PLCB4: variants seen among roughly 807,000 people sequenced by gnomAD.
PLCB4 encodes the protein 1-phosphatidylinositol 4,5-bisphosphate phosphodiesterase beta-4.
Under a neutral mutation model 178.8 loss-of-function variants are expected in PLCB4, and 77 were observed. The ratio of observed to expected loss-of-function variants is 0.43; its 90% CI spans 0.36 to 0.52. The LOEUF is 0.52. PLCB4 is among the 20% of genes least tolerant of loss of function. PLCB4 has a pLI of 0.00. For missense variants in PLCB4, 1,024 were observed against 1,453.4 expected, an observed-to-expected ratio of 0.70 and a Z score of 4.80; for synonymous variants, 496 against 490.8, an observed-to-expected ratio of 1.01 and a Z score of -0.14.
At chr20:9,372,767 A>G (rs2036361088) in intron 11 of PLCB4, among the ~76,000 whole-genome samples, 1 of 151,680 alleles carries the variant, frequency 6.6e-6, no homozygotes, top group Non-Finnish European at 1.5e-5. Context: ...GATGACTTAC[A>G]TGTTGTTTTT....
chr20:9,125,307 TAAG>T (rs1351213368), intron 2 of PLCB4, among the ~76,000 whole-genome samples: 7 of 152,200 alleles, frequency 4.6e-5, no homozygotes, highest in Non-Finnish European at 7.3e-5. Context: ...TTTAATGAAA[TAAG>T]AAGCAGTTTA....
At chr20:9,256,824 A>G (rs1601467274) in intron 3 of PLCB4, among the ~76,000 whole-genome samples, 1 of 152,244 alleles carries the variant, frequency 6.6e-6, no homozygotes, top group East Asian at 1.9e-4. Flanking sequence ...TTCTTCAGAA[A>G]TACATTTTCC....
At chr20:9,247,902 AT>A (rs2147462079) in intron 3 of PLCB4, among the ~76,000 whole-genome samples, 1 of 152,252 alleles carries the variant, frequency 6.6e-6, no homozygotes, top group Non-Finnish European at 1.5e-5. Flanking sequence ...ATACAAAAAT[AT>A]TTTTTATTTC....
chr20:9,315,366 A>T (rs960431127), intron 4 of PLCB4, among the ~76,000 whole-genome samples: 1 of 152,222 alleles, frequency 6.6e-6, no homozygotes, highest in Non-Finnish European at 1.5e-5. Flanking sequence ...CTGCTCTAGA[A>T]GGCTGAGATA....
intron 2 of PLCB4, among the ~76,000 whole-genome samples, chr20:9,126,601 G>T (rs1301239792): frequency 2.0e-5 from 3 of 151,984 alleles, no homozygotes; most frequent in Non-Finnish European, 2.9e-5. Context: ...TGAGTGAGAG[G>T]GCTAATGCAC....
At chr20:9,198,100 C>G (rs1216477490) in intron 2 of PLCB4, among the ~76,000 whole-genome samples, 1 of 152,182 alleles carries the variant, frequency 6.6e-6, no homozygotes. Flanking sequence ...TAACTGAATT[C>G]CTGTGGTAAA....
In PLCB4 at chr20:9,479,113, T is replaced by A; in HGVS notation, c.*104T>A. ...TTGTTTCCTTTATGTGTAAACAAGA[T>A]GATATCTGAAACCAGAGAGACTTGG... On this transcript the variant is annotated 3_prime_UTR_variant, in exon 40 of 40. Coordinates refer to ENST00000378473, the MANE Select transcript of PLCB4 (RefSeq NM_001377142.1). 1.3e-6 allele frequency: 1 copy of A among 783,176 alleles called. No homozygotes were observed. Among genetic ancestry groups the A allele is most frequent in the South Asian group, 1.5e-5 (1 of 64,772 alleles). 48.5% of individuals were successfully genotyped at this position (783,176 alleles called of 1,614,324 possible). A position where few individuals can be genotyped will look rare whatever the true frequency, so the allele number is the denominator to read the frequency against.
At chr20:9,090,784 T>C (rs6039388) in intron 1 of PLCB4, among the ~76,000 whole-genome samples, 94,172 of 151,976 alleles carry the variant, frequency 0.62, 29,923 homozygotes, top group Middle Eastern at 0.76. Flanking sequence ...TTGTTAAATT[T>C]GGTTTCTTTG....
At chr20:9,389,822 G>C in intron 15 of PLCB4, 57 bp from the exon 16 acceptor site, 1 of 878,646 alleles carries the variant, frequency 1.1e-6, no homozygotes, top group South Asian at 1.4e-5. Context: ...GAATAGTTTT[G>C]GGTGCCTTAA....
chr20:9,399,552 T>C (rs2038872208), intron 19 of PLCB4, among the ~76,000 whole-genome samples: 1 of 152,234 alleles, frequency 6.6e-6, no homozygotes, highest in African/African-American at 2.4e-5. Context: ...TGAAAGCAGG[T>C]GCCCAGGCAT....
chr20:9,341,651 A>G (rs2033210401), intron 7 of PLCB4, among the ~76,000 whole-genome samples: 1 of 151,414 alleles, frequency 6.6e-6, no homozygotes. Context: ...AGAGGCAGGC[A>G]CATTGGTGTA....
At chr20:9,299,428 T>C (rs1242206552) in intron 3 of PLCB4, among the ~76,000 whole-genome samples, 3 of 152,066 alleles carry the variant, frequency 2.0e-5, no homozygotes, top group Non-Finnish European at 4.4e-5. Context: ...GGTATATGTC[T>C]TGCTAGTTTT....
At chr20:9,448,112 G>C (rs552890650) in intron 32 of PLCB4, among the ~76,000 whole-genome samples, 1 of 152,138 alleles carries the variant, frequency 6.6e-6, no homozygotes, top group East Asian at 1.9e-4. Flanking sequence ...TGTTTTTTTA[G>C]GAACATTATG....
intron 8 of PLCB4, among the ~76,000 whole-genome samples, chr20:9,363,562 C>T (rs903312122): frequency 2.0e-5 from 3 of 152,196 alleles, no homozygotes; most frequent in African/African-American, 4.8e-5. Context: ...GAAGGAATTA[C>T]TCCAGCTTAC....
chr20:9,455,885 A>G (rs983944366), intron 33 of PLCB4, among the ~76,000 whole-genome samples: 6 of 152,196 alleles, frequency 3.9e-5, no homozygotes, highest in African/African-American at 1.4e-4. Flanking sequence ...GCCCAGGCTG[A>G]AGTGCAGTAG....
chr20:9,339,529 G>C (rs1313446549), intron 7 of PLCB4, among the ~76,000 whole-genome samples: 4 of 151,938 alleles, frequency 2.6e-5, no homozygotes, highest in Admixed American at 1.3e-4. Flanking sequence ...AAAAGATACA[G>C]GTAAAATTAA....
At chr20:9,296,140 C>T (rs543145039) in intron 3 of PLCB4, among the ~76,000 whole-genome samples, 121 of 152,064 alleles carry the variant, frequency 8.0e-4, no homozygotes, top group African/African-American at 2.6e-3. Context: ...GAATCTACAA[C>T]GAACTCAAAC....
At chr20:9,111,560 G>A (rs1210589765) in intron 2 of PLCB4, among the ~76,000 whole-genome samples, 4 of 152,124 alleles carry the variant, frequency 2.6e-5, no homozygotes, top group African/African-American at 9.7e-5. Context: ...CATTTGAAAT[G>A]TTTCCATCTT....
chr20:9,424,067 A>G, intron 28 of PLCB4, 115 bp downstream of exon 28: 1 of 701,798 alleles, frequency 1.4e-6, no homozygotes, highest in South Asian at 1.8e-5. Context: ...ATTCCTGCTA[A>G]TGCTGCCAAC....
Sources: allele counts gnomAD v4.1 joint callset (sites outside exome capture counted in the v4.1 genomes callset), GRCh38; gene constraint gnomAD v4.1.1; transcripts MANE v1.5; gene names NCBI Gene and HGNC (gene_info 2026-07-23, HGNC 2026-07-21).